The following SLC5A4 variants were observed in gnomAD, a reference collection of about 807,000 sequenced individuals.
The protein encoded by SLC5A4 is solute carrier family 5 member 4.
In SLC5A4, 55 loss-of-function variants were observed where a neutral mutation model predicts 70.3. That is an observed-to-expected ratio of 0.78 (90% CI 0.63 to 0.98). The LOEUF (loss-of-function observed/expected upper bound fraction) is 0.98, where lower values mean the gene tolerates loss of function less well. Ranked by LOEUF, SLC5A4 falls within the 50% of genes least tolerant of loss-of-function variation. The probability of loss-of-function intolerance (pLI) is 0.00; values close to 1 mark genes in which losing one functional copy is unlikely to be tolerated. For synonymous variants in SLC5A4, 268 were observed against 305.7 expected, an observed-to-expected ratio of 0.88 and a Z score of 1.29; for missense variants, 735 against 839.2, an observed-to-expected ratio of 0.88 and a Z score of 1.53.
Position 32,232,898 on chromosome 22 carries a change from C to T in SLC5A4, c.1021+1G>A. The T allele has an allele frequency of 6.2e-7, 1 of 1,613,026 alleles. No homozygotes were observed. The highest frequency in any genetic ancestry group is 1.1e-5 in the South Asian group (1 of 90,898). On this transcript the variant is annotated splice_donor_variant, in intron 9 of 14. Coordinates refer to ENST00000266086, the MANE Select transcript of SLC5A4 (RefSeq NM_014227.3). LOFTEE classifies it high-confidence loss of function. The stretch of plus-strand genomic sequence containing the variant: ...AGAGAACATACGGATTCAGGGCTTA[C>T]CTGTGTACAGGATGCGGCTGATCAT...
At chr22:32,337,887 G>A in the SLC5A4 span, among the ~76,000 whole-genome samples, 2 of 150,262 alleles carry the variant, frequency 1.3e-5, no homozygotes, top group Admixed American at 1.3e-4. Context: ...ACTAAGAAGT[G>A]ATACATTTTG....
chr22:32,237,644 C>T (rs192715079), intron 6 of SLC5A4, among the ~76,000 whole-genome samples: 16 of 152,308 alleles, frequency 1.1e-4, no homozygotes, highest in Non-Finnish European at 1.9e-4. Context: ...CCTCAATTTA[C>T]GCCCATTCAG....
intron 9 of SLC5A4, among the ~76,000 whole-genome samples, chr22:32,232,667 A>T (rs929177866): frequency 6.6e-6 from 1 of 152,010 alleles, no homozygotes; most frequent in African/African-American, 2.4e-5. Flanking sequence ...GACGGAACTC[A>T]CAGACTCAAA....
At chr22:32,282,007 C>T in the SLC5A4 span, among the ~76,000 whole-genome samples, 4 of 152,048 alleles carry the variant, frequency 2.6e-5, no homozygotes, top group Non-Finnish European at 5.9e-5. Context: ...CCACGCCTGG[C>T]TATTTTTGTA....
At chr22:32,274,760 C>T in the SLC5A4 span, among the ~76,000 whole-genome samples, 2 of 152,100 alleles carry the variant, frequency 1.3e-5, no homozygotes, top group African/African-American at 2.4e-5. Context: ...GAGGTGACAC[C>T]GGAAAGAAAT....
At chr22:32,271,499 C>T in the SLC5A4 span, 15 of 726,148 alleles carry the variant, frequency 2.1e-5, no homozygotes, top group Non-Finnish European at 3.6e-5. Flanking sequence ...TTCACAACAT[C>T]AGCTTCCGTG....
intron 9 of SLC5A4, among the ~76,000 whole-genome samples, chr22:32,232,131 T>G (rs2123890869): frequency 6.6e-6 from 1 of 152,320 alleles, no homozygotes; most frequent in South Asian, 2.1e-4. Flanking sequence ...TTCTCCTGCC[T>G]CAGCCTCCCA....
At chr22:32,248,412 A>G (rs1227581765) in intron 4 of SLC5A4, among the ~76,000 whole-genome samples, 3 of 152,174 alleles carry the variant, frequency 2.0e-5, no homozygotes, top group Non-Finnish European at 4.4e-5. Context: ...AACTCACTAG[A>G]TCAACACACC....
At chr22:32,264,279 A>G in the SLC5A4 span, among the ~76,000 whole-genome samples, 1 of 152,310 alleles carries the variant, frequency 6.6e-6, no homozygotes, top group South Asian at 2.1e-4. Flanking sequence ...ATATAATAGA[A>G]CTAAGAAATC....
chr22:32,334,332 T>A, the SLC5A4 span, among the ~76,000 whole-genome samples: 1 of 152,120 alleles, frequency 6.6e-6, no homozygotes, highest in South Asian at 2.1e-4. Flanking sequence ...TCCAGCACTG[T>A]CCTTCCTGGT....
chr22:32,229,178 A>C lies in SLC5A4; in HGVS notation c.1280+16T>G, dbSNP rs780726775. On this transcript the variant is annotated intron_variant, in intron 11 of 14. Coordinates refer to ENST00000266086, the MANE Select transcript of SLC5A4 (RefSeq NM_014227.3). ...CTTCTCCAGAGGATTCTAGGTGGGA[A>C]CCAGGGTTCACTCACCGTCCAGCTA... is the stretch of plus-strand genomic sequence containing the variant. 1 of 1,610,828 alleles carries C rather than the reference A, an allele frequency of 6.2e-7. No individual in the cohort carries two copies. Among genetic ancestry groups the C allele is most frequent in the Non-Finnish European group, 8.5e-7 (1 of 1,177,612 alleles).
the SLC5A4 span, among the ~76,000 whole-genome samples, chr22:32,311,224 G>C: frequency 6.6e-6 from 1 of 152,188 alleles, no homozygotes; most frequent in Non-Finnish European, 1.5e-5. Context: ...TCCCGCCCCA[G>C]CTAGAAAGCC....
At position 32,220,920 on chromosome 22, in the gene SLC5A4, C is replaced by T; in HGVS notation, c.1768G>A (p.Asp590Asn). The change falls in exon 14 of 15, where the codon GAT becomes AAT. Residue 590 changes from aspartate (D) to asparagine (N), a missense_variant and splice_region_variant. By Grantham distance (23) the Asp-to-Asn change is conservative (BLOSUM62 1). Coordinates refer to ENST00000266086, the MANE Select transcript of SLC5A4 (RefSeq NM_014227.3). ...QEETDDGVEE[D>N]YPEKSRGCLK... ...AAACCAAATGTAAACCAAATATTAC[C>T]TTCTTCAACACCATCATCTGTTTCT... is the stretch of plus-strand genomic sequence containing the variant. 2 of 1,596,076 alleles carry T rather than the reference C, an allele frequency of 1.3e-6. No homozygotes were observed. The highest frequency in any genetic ancestry group is 2.2e-5 in the East Asian group (1 of 44,800).
the SLC5A4 span, among the ~76,000 whole-genome samples, chr22:32,303,990 T>G: frequency 9.2e-5 from 14 of 152,238 alleles, no homozygotes; most frequent in African/African-American, 3.4e-4. Flanking sequence ...ATTTTGGCCA[T>G]TCTAATAGGT....
the SLC5A4 span, among the ~76,000 whole-genome samples, chr22:32,344,938 T>C: frequency 3.9e-4 from 59 of 152,314 alleles, no homozygotes; most frequent in African/African-American, 1.3e-3. Context: ...TCACAAAGTA[T>C]ATGAAAATGT....
chr22:32,304,388 G>A, the SLC5A4 span, among the ~76,000 whole-genome samples: 4 of 152,236 alleles, frequency 2.6e-5, no homozygotes, highest in East Asian at 1.9e-4. Flanking sequence ...TGATCCACCC[G>A]CCTCAGCCTC....
At chr22:32,326,245 G>T in the SLC5A4 span, among the ~76,000 whole-genome samples, 1 of 151,822 alleles carries the variant, frequency 6.6e-6, no homozygotes, top group Non-Finnish European at 1.5e-5. Flanking sequence ...ATGCACGTGG[G>T]GTATGGGGCT....
chr22:32,350,806 A>C, the SLC5A4 span, among the ~76,000 whole-genome samples: 1 of 152,176 alleles, frequency 6.6e-6, no homozygotes, highest in Admixed American at 6.5e-5. Context: ...AAGTGTAAAA[A>C]TTATAGACCT....
the SLC5A4 span, among the ~76,000 whole-genome samples, chr22:32,337,853 AT>A: frequency 9.2e-6 from 1 of 108,942 alleles, no homozygotes; most frequent in Non-Finnish European, 1.8e-5. Context: ...GCCAGCACAG[AT>A]GATAGGTAAA....
Sources: gnomAD v4.1 joint callset for allele counts (sites outside exome capture counted in the v4.1 genomes callset) on GRCh38, gnomAD v4.1.1 for gene constraint, MANE v1.5 for transcripts, NCBI Gene and HGNC (gene_info 2026-07-23, HGNC 2026-07-21) for gene names.